The following SLC9A9 variants were observed in gnomAD, a reference collection of about 807,000 sequenced individuals.
SLC9A9 encodes the protein solute carrier family 9 member A9.
A neutral mutation model predicts 77.8 loss-of-function variants in SLC9A9; 62 were observed. The ratio of observed to expected loss-of-function variants is 0.80; its 90% CI spans 0.65 to 0.98. The LOEUF is 0.98. SLC9A9 is among the 50% of genes least tolerant of loss of function. The pLI, the probability that SLC9A9 is intolerant of heterozygous loss-of-function variation, is 0.00. For synonymous variants in SLC9A9, 320 were observed against 283.5 expected, an observed-to-expected ratio of 1.13 and a Z score of -1.29; for missense variants, 775 against 774.9, an observed-to-expected ratio of 1.00 and a Z score of 0.00.
At chr3:143,521,871 CT>C (rs1451649483) in intron 9 of SLC9A9, among the ~76,000 whole-genome samples, 3 of 152,044 alleles carry the variant, frequency 2.0e-5, no homozygotes, top group South Asian at 2.1e-4. Flanking sequence ...ATATAAAAAT[CT>C]TGAGGTCTAA....
intron 5 of SLC9A9, among the ~76,000 whole-genome samples, chr3:143,665,137 C>A (rs2039043438): frequency 6.6e-6 from 1 of 152,238 alleles, no homozygotes. Flanking sequence ...CAAACTGTTT[C>A]TTAGACCATA....
chr3:143,358,529 T>C (rs2108479972), intron 14 of SLC9A9, among the ~76,000 whole-genome samples: 2 of 152,320 alleles, frequency 1.3e-5, no homozygotes, highest in East Asian at 3.9e-4. Flanking sequence ...TCATTCACAT[T>C]TATGGGGCTA....
At chr3:143,315,562 A>G (rs2031184059) in intron 14 of SLC9A9, among the ~76,000 whole-genome samples, 1 of 152,218 alleles carries the variant, frequency 6.6e-6, no homozygotes, top group African/African-American at 2.4e-5. Flanking sequence ...CCCTCCCAAC[A>G]AGAACTGGAA....
chr3:143,555,543 T>C (rs566122833), intron 8 of SLC9A9, among the ~76,000 whole-genome samples: 4 of 152,292 alleles, frequency 2.6e-5, no homozygotes, highest in Admixed American at 2.6e-4. Flanking sequence ...TTACTCAAGG[T>C]CACCTCTAAA....
At chr3:143,465,668 T>C (rs1339786721) in intron 12 of SLC9A9, among the ~76,000 whole-genome samples, 1 of 152,156 alleles carries the variant, frequency 6.6e-6, no homozygotes, top group Non-Finnish European at 1.5e-5. Context: ...ACCTATTGAA[T>C]TTTGTTTTCC....
intron 11 of SLC9A9, among the ~76,000 whole-genome samples, chr3:143,475,197 G>C: frequency 6.7e-6 from 1 of 149,006 alleles, no homozygotes; most frequent in Non-Finnish European, 1.5e-5. Flanking sequence ...TCGATTTCCT[G>C]ACTCTGTGAT....
intron 4 of SLC9A9, among the ~76,000 whole-genome samples, chr3:143,773,261 C>G (rs1474347187): frequency 6.6e-6 from 1 of 152,016 alleles, no homozygotes; most frequent in Non-Finnish European, 1.5e-5. Context: ...CAATTTCAAG[C>G]TAGCAATGAG....
intron 4 of SLC9A9, among the ~76,000 whole-genome samples, chr3:143,753,389 TC>T (rs1175723668): frequency 6.6e-6 from 1 of 152,132 alleles, no homozygotes; most frequent in African/African-American, 2.4e-5. Context: ...CTTTTCCCCA[TC>T]CCCTATTTTT....
chr3:143,815,650 G>C (rs9824913), intron 2 of SLC9A9, among the ~76,000 whole-genome samples: 92,041 of 151,802 alleles, frequency 0.61, 29,510 homozygotes, highest in East Asian at 0.72. Context: ...CGGATCACGA[G>C]GTCAAGAGAT....
At chr3:143,370,850 C>T (rs1312964031) in intron 13 of SLC9A9, among the ~76,000 whole-genome samples, 2 of 152,024 alleles carry the variant, frequency 1.3e-5, no homozygotes, top group African/African-American at 4.8e-5. Context: ...AGGATTCAGG[C>T]ATTGGATAAC....
At chr3:143,321,030 G>T (rs1277073627) in intron 14 of SLC9A9, among the ~76,000 whole-genome samples, 3 of 152,164 alleles carry the variant, frequency 2.0e-5, no homozygotes, top group African/African-American at 4.8e-5. Flanking sequence ...GCTAGAAGAG[G>T]CAAGGAAAGA....
intron 13 of SLC9A9, among the ~76,000 whole-genome samples, chr3:143,373,605 T>TAAAAAA (rs67376157): frequency 1.9e-3 from 110 of 58,608 alleles, no homozygotes; most frequent in South Asian, 4.9e-3. Flanking sequence ...ACTGAAATAG[T>TAAAAAA]AAAAAAAAAA....
At chr3:143,631,206 T>C (rs1218611674) in intron 6 of SLC9A9, among the ~76,000 whole-genome samples, 1 of 152,148 alleles carries the variant, frequency 6.6e-6, no homozygotes, top group African/African-American at 2.4e-5. Flanking sequence ...CCAAGTGCCT[T>C]GCATAAATCC....
chr3:143,706,982 G>C (rs1010172258), intron 4 of SLC9A9, among the ~76,000 whole-genome samples: 8 of 152,144 alleles, frequency 5.3e-5, no homozygotes, highest in Non-Finnish European at 1.0e-4. Flanking sequence ...GAGGAGGCTG[G>C]TTAGTGAATG....
intron 14 of SLC9A9, among the ~76,000 whole-genome samples, chr3:143,311,824 C>A (rs1390545297): frequency 6.6e-6 from 1 of 152,144 alleles, no homozygotes; most frequent in Non-Finnish European, 1.5e-5. Flanking sequence ...TGAAATCAAC[C>A]TGAGCATTAT....
At chr3:143,306,478 A>G (rs1036044875) in intron 14 of SLC9A9, among the ~76,000 whole-genome samples, 1 of 152,250 alleles carries the variant, frequency 6.6e-6, no homozygotes, top group Non-Finnish European at 1.5e-5. Flanking sequence ...TGTGCCTGGC[A>G]TGTAGTAAGC....
chr3:143,516,891 T>C (rs1361621378), intron 9 of SLC9A9, among the ~76,000 whole-genome samples: 1 of 152,222 alleles, frequency 6.6e-6, no homozygotes. Flanking sequence ...TGTGTTAGAA[T>C]ATCTGCTTTC....
At chr3:143,377,373 G>A (rs543937650) in intron 13 of SLC9A9, among the ~76,000 whole-genome samples, 11 of 152,242 alleles carry the variant, frequency 7.2e-5, no homozygotes, top group South Asian at 2.1e-4. Flanking sequence ...GTGCCCCTTC[G>A]TAGTTCTAGT....
chr3:143,492,222 G>A (rs2035760029), intron 11 of SLC9A9, among the ~76,000 whole-genome samples: 1 of 150,168 alleles, frequency 6.7e-6, no homozygotes, highest in Non-Finnish European at 1.5e-5. Flanking sequence ...AACCTGGGGG[G>A]CAGAGCTTGC....
Sources: allele counts gnomAD v4.1 joint callset (sites outside exome capture counted in the v4.1 genomes callset), GRCh38; gene constraint gnomAD v4.1.1; transcripts MANE v1.5; gene names NCBI Gene and HGNC (gene_info 2026-07-23, HGNC 2026-07-21).